LAMA1: variants seen among roughly 807,000 people sequenced by gnomAD.
LAMA1 encodes laminin subunit alpha 1.
In LAMA1, 219 loss-of-function variants were observed where a neutral mutation model predicts 348.7. That is an observed-to-expected ratio of 0.63 (90% CI 0.56 to 0.70). The LOEUF (loss-of-function observed/expected upper bound fraction) is 0.70. LAMA1 is among the 30% of genes least tolerant of loss of function. LAMA1 has a pLI of 0.00. For missense variants in LAMA1, 3,744 were observed against 3,888.0 expected, an observed-to-expected ratio of 0.96 and a Z score of 0.99; for synonymous variants, 1,487 against 1,491.0, an observed-to-expected ratio of 1.00 and a Z score of 0.06.
chr18:7,079,792 T>A (rs1345533384), intron 3 of LAMA1, 183 bp downstream of exon 3: 10 of 622,604 alleles, frequency 1.6e-5, no homozygotes, highest in Non-Finnish European at 2.9e-5. Context: ...CACCTGGGAA[T>A]GATGAAAGTG....
intron 1 of LAMA1, among the ~76,000 whole-genome samples, chr18:7,086,038 A>G (rs542703693): frequency 2.6e-4 from 39 of 152,226 alleles, no homozygotes; most frequent in Non-Finnish European, 5.3e-4. Flanking sequence ...TAACATATCT[A>G]TGATTTACAC....
intron 3 of LAMA1, among the ~76,000 whole-genome samples, chr18:7,074,373 C>G (rs1178478518): frequency 6.6e-6 from 1 of 152,160 alleles, no homozygotes; most frequent in East Asian, 1.9e-4. Flanking sequence ...TAGTGGTTCT[C>G]AAACAGGAAA....
At chr18:6,958,853 G>A (rs2057593440) in intron 54 of LAMA1, among the ~76,000 whole-genome samples, 191 bp from the exon 55 acceptor site, 1 of 151,986 alleles carries the variant, frequency 6.6e-6, no homozygotes, top group Non-Finnish European at 1.5e-5. Context: ...AGATTTTTCA[G>A]AAACGAATGG....
chr18:7,024,797 C>T (rs1291049218), intron 17 of LAMA1, among the ~76,000 whole-genome samples: 1 of 152,214 alleles, frequency 6.6e-6, no homozygotes, highest in Non-Finnish European at 1.5e-5. Context: ...ATGCTTCCTC[C>T]AGGAGGCCTG....
chr18:7,095,614 C>G (rs961555447), intron 1 of LAMA1, among the ~76,000 whole-genome samples: 3 of 152,240 alleles, frequency 2.0e-5, no homozygotes, highest in Non-Finnish European at 4.4e-5. Context: ...TGGGCCCAAG[C>G]AGCCCAAAGA....
At chr18:7,057,971 A>ATT (rs201911755) in intron 3 of LAMA1, among the ~76,000 whole-genome samples, 5 of 140,396 alleles carry the variant, frequency 3.6e-5, no homozygotes, top group East Asian at 2.1e-4. Flanking sequence ...ATTTTTTTTA[A>ATT]TTTTTTTTTT....
intron 1 of LAMA1, among the ~76,000 whole-genome samples, chr18:7,098,428 A>C (rs1297530386): frequency 8.3e-5 from 12 of 143,722 alleles, no homozygotes; most frequent in African/African-American, 1.6e-4. Flanking sequence ...GGCCGCCATC[A>C]CATCTAGGAA....
chr18:7,080,281 A>G lies in LAMA1; in HGVS notation c.232+6T>C. 6.2e-7 allele frequency: 1 copy of G among 1,614,158 alleles called. No homozygotes were observed. The highest frequency in any genetic ancestry group is 8.5e-7 in the Non-Finnish European group (1 of 1,180,040). On this transcript the variant is annotated splice_donor_region_variant and intron_variant, in intron 2 of 62. Transcript: ENST00000389658. ...GGAATTTCAGAAATAAAGGCGCGAC[A>G]CTTGCCTCTGGGGTTTGCGCTGTTG...
At chr18:6,989,172 TCA>T (rs2057748444) in intron 36 of LAMA1, among the ~76,000 whole-genome samples, 1 of 152,178 alleles carries the variant, frequency 6.6e-6, no homozygotes, top group African/African-American at 2.4e-5. Flanking sequence ...GGCAGAAACA[TCA>T]CACACATGTT....
At chr18:7,053,097 T>A (rs1343675254) in intron 3 of LAMA1, among the ~76,000 whole-genome samples, 2 of 152,164 alleles carry the variant, frequency 1.3e-5, no homozygotes, top group Non-Finnish European at 2.9e-5. Context: ...GGCTACATAC[T>A]ATATGATTCC....
chr18:6,988,033 G>A (rs939412227), intron 36 of LAMA1, among the ~76,000 whole-genome samples: 1 of 152,108 alleles, frequency 6.6e-6, no homozygotes, highest in Non-Finnish European at 1.5e-5. Context: ...AAAATCGCTT[G>A]AGCCTGGGAG....
chr18:7,059,622 A>G (rs2058094959), intron 3 of LAMA1, among the ~76,000 whole-genome samples: 2 of 152,208 alleles, frequency 1.3e-5, no homozygotes, highest in African/African-American at 4.8e-5. Flanking sequence ...TCAACTTCCC[A>G]TGTGCAGACA....
intron 1 of LAMA1, 73 bp downstream of exon 1, chr18:7,117,587 G>A (rs2058362986): frequency 2.0e-6 from 3 of 1,504,698 alleles, no homozygotes; most frequent in Non-Finnish European, 9.0e-7. Context: ...CCAACGCGAC[G>A]GGCTTTGTCC....
At chr18:6,995,521 A>G (rs2057777531) in intron 33 of LAMA1, 75 bp from the exon 34 acceptor site, 2 of 825,442 alleles carry the variant, frequency 2.4e-6, no homozygotes, top group Admixed American at 3.6e-5. Context: ...AAGCACTTGC[A>G]TTTCTTTTTT....
At chr18:7,111,162 T>C (rs9945042) in intron 1 of LAMA1, among the ~76,000 whole-genome samples, 19,461 of 152,140 alleles carry the variant, frequency 0.13, 3,250 homozygotes, top group African/African-American at 0.39. Context: ...GGCCAGCAGA[T>C]CAGACTTCAA....
chr18:6,949,602 T>C (rs1036787139), intron 58 of LAMA1, among the ~76,000 whole-genome samples: 3 of 152,214 alleles, frequency 2.0e-5, no homozygotes, highest in Non-Finnish European at 4.4e-5. Flanking sequence ...AGGAATTTAG[T>C]TGATAGTTTA....
At position 7,036,003 on chromosome 18, in the gene LAMA1, G is replaced by A. The variant is rs754851744; in HGVS notation, c.1823C>T (p.Ala608Val). ...AACAATCACCTTAATGATGACGTCA[G>A]CATGCGACATGAGGTTACTGTCTAC... ...ETVDSNLMSH[A>V]DVIIKGNGLT... Residue 608 changes from alanine to valine, a missense_variant, in exon 13 of 63, where the codon GCT becomes GTT. Physicochemically the swap from Ala to Val is moderately conservative, Grantham distance 64. This residue lies in a region of LAMA1 where 1,529 missense variants were observed against 1,689.4 expected (regional missense o/e 0.91). Coordinates refer to ENST00000389658, the MANE Select transcript of LAMA1 (RefSeq NM_005559.4). The A allele has an allele frequency of 1.2e-6, 2 of 1,613,730 alleles. No homozygotes were observed. Among genetic ancestry groups the A allele is most frequent in the African/African-American group, 2.7e-5 (2 of 75,070 alleles).
chr18:7,070,755 CT>C lies in LAMA1; in HGVS notation c.345+9219del, dbSNP rs529983413. Among the ~76,000 whole-genome samples the C allele has an allele frequency of 5.9e-5, 9 of 152,206 alleles. No homozygotes were observed. In the South Asian group the frequency reaches 1.9e-3, roughly 32 times the overall value. ...ATTTTCAATGCCATAGGGAACTTCC[CT>C]TTTTTACAAAACAGATCTTATCTTC... On this transcript the variant is annotated intron_variant, in intron 3 of 62. Transcript: ENST00000389658.
intron 1 of LAMA1, among the ~76,000 whole-genome samples, chr18:7,105,171 G>C (rs1011106067): frequency 6.6e-6 from 1 of 152,138 alleles, no homozygotes. Context: ...AGGCGCAGTG[G>C]CTCACACCTG....
Sources: gnomAD v4.1 joint callset for allele counts (sites outside exome capture counted in the v4.1 genomes callset) on GRCh38, gnomAD v4.1.1 for gene constraint, gnomAD v4.1.1 regional missense constraint, MANE v1.5 for transcripts, NCBI Gene and HGNC (gene_info 2026-07-23, HGNC 2026-07-21) for gene names.